The following SETD3 variants were observed in gnomAD, a reference collection of about 807,000 sequenced individuals.
The protein encoded by SETD3 is SET domain containing 3, actin N3(tau)-histidine methyltransferase.
A neutral mutation model predicts 63.0 loss-of-function variants in SETD3; 19 were observed. The observed-to-expected ratio is 0.30, with a 90% CI of 0.21 to 0.44. SETD3 has a LOEUF of 0.44. SETD3 is among the 20% of genes least tolerant of loss of function. The pLI is 1.00. For missense variants in SETD3, 587 were observed against 728.5 expected, an observed-to-expected ratio of 0.81 and a Z score of 2.24; for synonymous variants, 286 against 264.1, an observed-to-expected ratio of 1.08 and a Z score of -0.80.
chr14:99,421,375 C>T (rs949951463), intron 6 of SETD3, among the ~76,000 whole-genome samples: 19 of 151,104 alleles, frequency 1.3e-4, no homozygotes, highest in Non-Finnish European at 2.1e-4. Context: ...AGGATAACTA[C>T]GTTGGACTCT....
intron 6 of SETD3, among the ~76,000 whole-genome samples, chr14:99,425,234 G>GA (rs1892817830): frequency 6.6e-6 from 1 of 152,214 alleles, no homozygotes; most frequent in Non-Finnish European, 1.5e-5. Context: ...CCCTCTACAA[G>GA]ATGGTTAGCC....
chr14:99,416,653 T>TG (rs1422776520), intron 6 of SETD3, among the ~76,000 whole-genome samples: 1 of 152,088 alleles, frequency 6.6e-6, no homozygotes, highest in Admixed American at 6.6e-5. Flanking sequence ...CTCTCAGGCA[T>TG]GGGGGGCCCA....
chr14:99,418,552 T>C (rs952311916), intron 6 of SETD3, among the ~76,000 whole-genome samples: 1 of 152,124 alleles, frequency 6.6e-6, no homozygotes, highest in Non-Finnish European at 1.5e-5. Context: ...AGATCTCTGG[T>C]CTGACAAATT....
At chr14:99,470,087 T>C (rs1595272705) in intron 1 of SETD3, among the ~76,000 whole-genome samples, 1 of 152,200 alleles carries the variant, frequency 6.6e-6, no homozygotes, top group South Asian at 2.1e-4. Flanking sequence ...AGCTTCATCC[T>C]ACCTTTACAC....
At chr14:99,465,611 C>T (rs1895324990) in intron 2 of SETD3, 92 bp downstream of exon 2, 1 of 1,003,316 alleles carries the variant, frequency 1.0e-6, no homozygotes, top group Non-Finnish European at 1.5e-6. Context: ...TGAATACCAG[C>T]TTGTCTGATG....
In SETD3 at chr14:99,412,981, T is replaced by C; in HGVS notation, c.819A>G (p.Leu273=). 1 of 1,613,856 alleles carries C rather than the reference T, an allele frequency of 6.2e-7. No homozygotes were observed. The highest frequency in any genetic ancestry group is 8.5e-7 in the Non-Finnish European group (1 of 1,179,818). ...GSRVTLALIP[L]WDMCNHTNGL... is the part of the protein sequence containing the mutation. ...CGTTGGTGTGGTTACACATATCCCA[T>C]AAAGGAATCAGAGCCAGGGTCACGC... Residue 273 remains leucine (L), a synonymous_variant, in exon 8 of 13, where the codon TTA becomes TTG. Transcript: ENST00000331768.
intron 8 of SETD3, 100 bp downstream of exon 8, chr14:99,412,851 C>A (rs769767226): frequency 4.9e-6 from 4 of 815,462 alleles, no homozygotes; most frequent in Non-Finnish European, 8.4e-6. Flanking sequence ...AGGGAGGCAA[C>A]GGGGGGAGTA....
At chr14:99,464,771 A>G (rs1257862822) in intron 2 of SETD3, among the ~76,000 whole-genome samples, 3 of 152,248 alleles carry the variant, frequency 2.0e-5, no homozygotes, top group South Asian at 2.1e-4. Context: ...AATTACACTA[A>G]CTTGCTAAAA....
At chr14:99,426,603 T>C (rs1285359297) in intron 6 of SETD3, among the ~76,000 whole-genome samples, 1 of 152,180 alleles carries the variant, frequency 6.6e-6, no homozygotes, top group Admixed American at 6.5e-5. Flanking sequence ...AAATATGAAC[T>C]GACTCCATAT....
intron 6 of SETD3, among the ~76,000 whole-genome samples, chr14:99,455,855 C>G (rs1279147327): frequency 6.6e-6 from 1 of 152,186 alleles, no homozygotes; most frequent in East Asian, 1.9e-4. Context: ...CCCAATTCAA[C>G]AATAAAAAAT....
At chr14:99,408,344 C>T (rs1467346893) in intron 8 of SETD3, among the ~76,000 whole-genome samples, 1 of 152,164 alleles carries the variant, frequency 6.6e-6, no homozygotes, top group African/African-American at 2.4e-5. Context: ...TTAAACACTT[C>T]AATTGAATGA....
chr14:99,463,029 C>T (rs1443424293), intron 3 of SETD3, among the ~76,000 whole-genome samples: 4 of 152,192 alleles, frequency 2.6e-5, no homozygotes, highest in South Asian at 4.1e-4. Context: ...CGACTGCATA[C>T]GTCCTGTAAA....
chr14:99,403,589 T>C lies in SETD3; in HGVS notation c.1177+636A>G, dbSNP rs1014474632. Among the ~76,000 whole-genome samples, 4 of 151,980 alleles carry C rather than the reference T, an allele frequency of 2.6e-5. 1 individual carries two copies. The highest frequency in any genetic ancestry group is 6.6e-5 in the Admixed American group (1 of 15,258). Reference sequence around the variant, plus strand: ...AACCACGAGAGGTCAAATCTCAGCATAAGAAACCCCAAATGACTTGTTTTA... The same window carrying C: ...AACCACGAGAGGTCAAATCTCAGCACAAGAAACCCCAAATGACTTGTTTTA... On this transcript the variant is annotated intron_variant, in intron 11 of 12. Coordinates refer to ENST00000331768, the MANE Select transcript of SETD3 (RefSeq NM_032233.3).
intron 8 of SETD3, among the ~76,000 whole-genome samples, chr14:99,408,992 C>T (rs1046797485): frequency 6.6e-6 from 1 of 152,182 alleles, no homozygotes; most frequent in African/African-American, 2.4e-5. Flanking sequence ...AGGAAATTAC[C>T]ACCTACGCCC....
chr14:99,474,111 A>G (rs947900028), intron 1 of SETD3, among the ~76,000 whole-genome samples: 7 of 152,160 alleles, frequency 4.6e-5, no homozygotes, highest in African/African-American at 1.7e-4. Flanking sequence ...ATTTGAGGTC[A>G]GGAGTTCAAG....
intron 1 of SETD3, among the ~76,000 whole-genome samples, chr14:99,467,246 G>C (rs983296455): frequency 1.3e-5 from 2 of 152,172 alleles, no homozygotes; most frequent in African/African-American, 4.8e-5. Context: ...TGGAATAAAA[G>C]GAAACTGGTA....
intron 6 of SETD3, among the ~76,000 whole-genome samples, chr14:99,430,122 T>C (rs1212569644): frequency 6.6e-6 from 1 of 152,178 alleles, no homozygotes; most frequent in Non-Finnish European, 1.5e-5. Flanking sequence ...TTATGCTCAC[T>C]CGAGTTGAAT....
In SETD3 at chr14:99,465,383, C is replaced by T. The variant is rs574181003; in HGVS notation, c.103+320G>A. Among the ~76,000 whole-genome samples the T allele has an allele frequency of 9.2e-5, 14 of 152,310 alleles. No individual in the cohort carries two copies. In the East Asian group the frequency reaches 2.1e-3, roughly 23 times the overall value. ...CGGAAGGGTTCAGTAATCTGCCGAG[C>T]GGCACACTGTGAAAAAGCAGTAGAG... On this transcript the variant is annotated intron_variant, in intron 2 of 12. Transcript: ENST00000331768.
At chr14:99,453,128 C>T (rs1307547405) in intron 6 of SETD3, among the ~76,000 whole-genome samples, 2 of 152,180 alleles carry the variant, frequency 1.3e-5, no homozygotes, top group Admixed American at 6.5e-5. Flanking sequence ...CTCTCTCTCC[C>T]TGAGTGACAA....
Sources: gnomAD v4.1 joint callset for allele counts (sites outside exome capture counted in the v4.1 genomes callset) on GRCh38, gnomAD v4.1.1 for gene constraint, MANE v1.5 for transcripts, NCBI Gene and HGNC (gene_info 2026-07-23, HGNC 2026-07-21) for gene names.